NAV1: variants seen among roughly 807,000 people sequenced by gnomAD.
The protein encoded by NAV1 is neuron navigator 1, also known as pore membrane and/or filament interacting like protein 3.
NAV1 carries 18 observed loss-of-function variants against 175.2 expected under a neutral mutation model. The observed-to-expected ratio is 0.10, with a 90% CI of 0.07 to 0.15. NAV1 has a LOEUF of 0.15. NAV1 is among the 10% of genes least tolerant of loss of function. The pLI, the probability that NAV1 is intolerant of heterozygous loss-of-function variation, is 1.00. For synonymous variants in NAV1, 897 were observed against 978.7 expected (o/e 0.92, Z 1.56); for missense variants, 1,731 against 2,436.6 (o/e 0.71, Z 6.10).
intron 3 of NAV1, among the ~76,000 whole-genome samples, chr1:201,741,753 A>T (rs1373900619): frequency 6.6e-6 from 1 of 152,088 alleles, no homozygotes; most frequent in Non-Finnish European, 1.5e-5. Context: ...CAGCCTTTCT[A>T]GGCTACCTCA....
intron 3 of NAV1, chr1:201,739,956 G>A: frequency 7.2e-7 from 1 of 1,385,876 alleles, no homozygotes; most frequent in South Asian, 1.7e-5. Context: ...GTCCCCGGGT[G>A]TCAGGCGAGA....
intron 1 of NAV1, among the ~76,000 whole-genome samples, chr1:201,679,129 G>C (rs1361808911): frequency 2.0e-5 from 3 of 152,210 alleles, no homozygotes; most frequent in Admixed American, 2.0e-4. Context: ...AACCTCCTGA[G>C]CCTGCGGGCA....
In NAV1 at chr1:201,691,731, T is replaced by A. The variant is rs900907899; in HGVS notation, c.758-21086T>A. On this transcript the variant is annotated intron_variant, in intron 1 of 29. Coordinates refer to ENST00000367296, the Ensembl canonical transcript of NAV1. ...TTTTCTGGAGATGCTTAAGAAAAGT[T>A]CTGCCTGAAGGAAAGGAAAAGGAGT... Among the ~76,000 whole-genome samples the A allele has an allele frequency of 6.6e-5, 10 of 152,180 alleles. 1 individual carries two copies. The highest frequency in any genetic ancestry group is 2.6e-4 in the Admixed American group (4 of 15,278).
intron 1 of NAV1, among the ~76,000 whole-genome samples, chr1:201,624,336 CTTTTTTT>C (rs1188885818): frequency 1.3e-5 from 1 of 79,444 alleles, no homozygotes; most frequent in East Asian, 4.9e-4. Context: ...GTCAACTACG[CTTTTTTT>C]TTTTTTTTTT....
At chr1:201,590,520 C>T (rs1434456694) in intron 2 of NAV1, among the ~76,000 whole-genome samples, 3 of 152,118 alleles carry the variant, frequency 2.0e-5, no homozygotes, top group African/African-American at 7.2e-5. Context: ...TTTCCTCTCT[C>T]CAGAAAGTTT....
intron 2 of NAV1, among the ~76,000 whole-genome samples, chr1:201,594,740 T>A (rs1288104933): frequency 6.6e-6 from 1 of 152,170 alleles, no homozygotes; most frequent in African/African-American, 2.4e-5. Flanking sequence ...CTGGACAGCC[T>A]TGTCTGTGTA....
chr1:201,557,452 T>TC (rs1251661926), intron 1 of NAV1, among the ~76,000 whole-genome samples: 2 of 152,178 alleles, frequency 1.3e-5, no homozygotes, highest in African/African-American at 4.8e-5. Flanking sequence ...GGACATTTAC[T>TC]CCCCATGGGG....
At chr1:201,636,024 C>T (rs2102305043) in intron 2 of NAV1, among the ~76,000 whole-genome samples, 1 of 152,356 alleles carries the variant, frequency 6.6e-6, no homozygotes, top group African/African-American at 2.4e-5. Flanking sequence ...ACTGCTGCTC[C>T]CTACTTCTCT....
At chr1:201,804,234 T>G (rs898389507) in intron 16 of NAV1, among the ~76,000 whole-genome samples, 2 of 152,150 alleles carry the variant, frequency 1.3e-5, no homozygotes, top group African/African-American at 2.4e-5. Flanking sequence ...TCTTGCATAA[T>G]CCTAAACTGA....
At chr1:201,794,130 T>C (rs1172026011) in intron 14 of NAV1, 4 of 678,592 alleles carry the variant, frequency 5.9e-6, no homozygotes, top group African/African-American at 1.8e-5. Flanking sequence ...GGCTCAGGGC[T>C]CCTGCTAATC....
chr1:201,649,687 A>G (rs1669111909), intron 1 of NAV1, among the ~76,000 whole-genome samples: 1 of 152,120 alleles, frequency 6.6e-6, no homozygotes, highest in Non-Finnish European at 1.5e-5. Context: ...AGGCTGGACA[A>G]TGGGATGGGG....
At chr1:201,557,349 C>T (rs545224637) in intron 1 of NAV1, among the ~76,000 whole-genome samples, 1 of 152,234 alleles carries the variant, frequency 6.6e-6, no homozygotes, top group Non-Finnish European at 1.5e-5. Flanking sequence ...TCCTTCAGCA[C>T]AGCCCACAGG....
intron 8 of NAV1, among the ~76,000 whole-genome samples, chr1:201,785,788 CT>C (rs34841837): frequency 0.011 from 1,134 of 99,476 alleles, 12 homozygotes; most frequent in African/African-American, 0.039. Flanking sequence ...ACTATTGCAA[CT>C]TTTTTTTTTT....
At chr1:201,619,379 G>A (rs1668093944), upstream of NAV1, among the ~76,000 whole-genome samples, 1 of 152,062 alleles carries the variant, frequency 6.6e-6, no homozygotes, top group Admixed American at 6.5e-5. Context: ...GGTGGTTGTT[G>A]GGCAACACAA....
At chr1:201,672,623 G>T (rs1670085636) in intron 1 of NAV1, among the ~76,000 whole-genome samples, 1 of 152,224 alleles carries the variant, frequency 6.6e-6, no homozygotes, top group African/African-American at 2.4e-5. Flanking sequence ...CCTTATCTAA[G>T]CTCTTACTGC....
chr1:201,615,808 T>G (rs941787013), intron 2 of NAV1, among the ~76,000 whole-genome samples: 2 of 152,214 alleles, frequency 1.3e-5, no homozygotes, highest in African/African-American at 4.8e-5. Context: ...GCTGTCTAGT[T>G]TCCTACCCTT....
chr1:201,648,214 A>G, upstream of NAV1: 1 of 999,644 alleles, frequency 1.0e-6, no homozygotes, highest in Non-Finnish European at 1.2e-6. Context: ...TGGCTGGCTG[A>G]GTGCGGCCGG....
At position 201,722,430 on chromosome 1, in the gene NAV1, G is replaced by A. The variant is rs189310313; in HGVS notation, c.1226+3675G>A. On this transcript the variant is annotated intron_variant, in intron 3 of 29. Coordinates refer to ENST00000367296, the Ensembl canonical transcript of NAV1. ...CATCAGGGAGCATTTATGTTGTAGC[G>A]TTAGAATTTCATTCTTTTTTCAGGT... 3.3e-4 allele frequency among the ~76,000 whole-genome samples: 51 copies of A among 152,300 alleles called. No homozygotes were observed. The East Asian group carries it at 7.9e-3, about 24-fold the overall frequency.
intron 1 of NAV1, among the ~76,000 whole-genome samples, chr1:201,548,844 A>T (rs1387953757): frequency 6.6e-6 from 1 of 152,236 alleles, no homozygotes; most frequent in African/African-American, 2.4e-5. Context: ...AATGATAGAT[A>T]TTGTCTACAG....
Sources: allele counts gnomAD v4.1 joint callset (sites outside exome capture counted in the v4.1 genomes callset), GRCh38; gene constraint gnomAD v4.1.1; transcripts MANE v1.5; gene names NCBI Gene and HGNC (gene_info 2026-07-23, HGNC 2026-07-21).